The following CLVS1 variants were observed in gnomAD, a reference collection of about 807,000 sequenced individuals.
CLVS1 encodes the protein clavesin 1.
CLVS1 carries 10 observed loss-of-function variants against 33.1 expected under a neutral mutation model. The ratio of observed to expected loss-of-function variants is 0.30; its 90% confidence interval spans 0.19 to 0.51. CLVS1 has a LOEUF of 0.51. Among genes scored for constraint, CLVS1 ranks in the 20% least tolerant of loss-of-function variants. The pLI is 0.97. For missense variants in CLVS1, 343 were observed against 433.4 expected (o/e 0.79, Z 1.85); for synonymous variants, 163 against 166.1 (o/e 0.98, Z 0.14).
At chr8:61,078,298 G>A (rs775427503) in intron 1 of CLVS1, among the ~76,000 whole-genome samples, 1 of 152,220 alleles carries the variant, frequency 6.6e-6, no homozygotes, top group African/African-American at 2.4e-5. Context: ...GTGATGTGAC[G>A]AGGGCCAGGT....
intron 2 of CLVS1, among the ~76,000 whole-genome samples, chr8:61,307,878 C>T (rs980119781): frequency 6.6e-6 from 1 of 152,092 alleles, no homozygotes. Flanking sequence ...GTCTATTATT[C>T]CACATTCCAT....
intron 2 of CLVS1, among the ~76,000 whole-genome samples, chr8:61,272,012 A>C (rs1186708329): frequency 1.3e-5 from 2 of 150,882 alleles, no homozygotes; most frequent in Admixed American, 1.3e-4. Flanking sequence ...TAATATTGTT[A>C]TGTGTGAATT....
At chr8:61,389,558 TA>T (rs1486049104) in intron 3 of CLVS1, among the ~76,000 whole-genome samples, 1 of 150,990 alleles carries the variant, frequency 6.6e-6, no homozygotes, top group Non-Finnish European at 1.5e-5. Context: ...AAAAGACAAA[TA>T]ACAGCTGACA....
chr8:61,459,959 G>T (rs1274552326), intron 5 of CLVS1, among the ~76,000 whole-genome samples: 1 of 152,128 alleles, frequency 6.6e-6, no homozygotes, highest in African/African-American at 2.4e-5. Context: ...CCTTCTGTGT[G>T]TGTCTGCCTC....
chr8:61,018,637 T>C, the CLVS1 span, among the ~76,000 whole-genome samples: 18 of 152,366 alleles, frequency 1.2e-4, no homozygotes, highest in Admixed American at 1.0e-3. Flanking sequence ...GACACAATTA[T>C]ATCTTGATTG....
rs1183784087 is a variant in CLVS1, at chr8:61,412,327, T to C, written c.630+35548T>C. The stretch of plus-strand genomic sequence containing the variant: ...ACAGAAACACAGGGACAGGACCAAA[T>C]CAAAGAAAAAGCAAAAACAAAGTAC... On this transcript the variant is annotated intron_variant, in intron 3 of 5. Coordinates refer to ENST00000325897, the MANE Select transcript of CLVS1 (RefSeq NM_173519.3). Among the ~76,000 whole-genome samples the C allele has an allele frequency of 5.9e-5, 9 of 151,286 alleles. No homozygotes were observed. The East Asian group carries it at 1.8e-3, about 29-fold the overall frequency.
At chr8:61,209,044 G>T (rs1807919033) in intron 2 of CLVS1, among the ~76,000 whole-genome samples, 1 of 152,208 alleles carries the variant, frequency 6.6e-6, no homozygotes, top group Non-Finnish European at 1.5e-5. Flanking sequence ...CCTCACACTG[G>T]AAAGTAAGTC....
chr8:61,053,287 T>C (rs1314645302), upstream of CLVS1, among the ~76,000 whole-genome samples: 3 of 152,008 alleles, frequency 2.0e-5, no homozygotes, highest in Non-Finnish European at 4.4e-5. Flanking sequence ...GGAGTGCAGG[T>C]AGAGGCTAGA....
At chr8:61,498,944 T>C (rs1804399935) in intron 5 of CLVS1, among the ~76,000 whole-genome samples, 1 of 152,134 alleles carries the variant, frequency 6.6e-6, no homozygotes, top group Admixed American at 6.6e-5. Flanking sequence ...ACTAAAACAT[T>C]AAAAATTCAA....
chr8:61,437,950 T>C (rs368119230), intron 3 of CLVS1, among the ~76,000 whole-genome samples: 2 of 152,352 alleles, frequency 1.3e-5, no homozygotes, highest in South Asian at 4.1e-4. Flanking sequence ...AACTGTAAGA[T>C]CTGACAGGCC....
chr8:61,245,928 C>T (rs1251429370), intron 2 of CLVS1, among the ~76,000 whole-genome samples: 1 of 148,536 alleles, frequency 6.7e-6, no homozygotes, highest in African/African-American at 2.6e-5. Context: ...CCATTACACC[C>T]AGTTAATTAA....
intron 3 of CLVS1, among the ~76,000 whole-genome samples, chr8:61,434,155 A>G (rs1288329802): frequency 6.6e-6 from 1 of 152,120 alleles, no homozygotes; most frequent in Non-Finnish European, 1.5e-5. Flanking sequence ...AGGTGTTGGG[A>G]AGTCACTGGA....
At chr8:61,384,223 A>G (rs145177358) in intron 3 of CLVS1, among the ~76,000 whole-genome samples, 112 of 152,356 alleles carry the variant, frequency 7.4e-4, no homozygotes, top group African/African-American at 2.5e-3. Flanking sequence ...GCACCAGGCA[A>G]GGAGCTTGTT....
chr8:61,384,964 G>A (rs991796055), intron 3 of CLVS1, among the ~76,000 whole-genome samples: 3 of 152,124 alleles, frequency 2.0e-5, no homozygotes, highest in African/African-American at 7.2e-5. Context: ...AGAAACCATG[G>A]CAGTGCAGTG....
chr8:61,128,907 T>A (rs1290346755), intron 1 of CLVS1, among the ~76,000 whole-genome samples: 1 of 152,248 alleles, frequency 6.6e-6, no homozygotes, highest in Non-Finnish European at 1.5e-5. Flanking sequence ...CTTTTCTCAC[T>A]CTTTAGAGTG....
At chr8:61,282,868 G>C (rs550208903) in intron 2 of CLVS1, among the ~76,000 whole-genome samples, 1 of 152,270 alleles carries the variant, frequency 6.6e-6, no homozygotes, top group South Asian at 2.1e-4. Context: ...CAAAAAACTT[G>C]GGATAGGAAA....
At chr8:61,357,509 T>TTC (rs1394784905) in intron 2 of CLVS1, among the ~76,000 whole-genome samples, 2 of 109,754 alleles carry the variant, frequency 1.8e-5, no homozygotes, top group African/African-American at 7.5e-5. Context: ...TTTTTTTTTT[T>TTC]TTTTTTTTTT....
the CLVS1 span, among the ~76,000 whole-genome samples, chr8:61,026,996 A>G: frequency 1.3e-5 from 2 of 152,218 alleles, no homozygotes; most frequent in African/African-American, 4.8e-5. Flanking sequence ...AGCTGTTTCC[A>G]TCAATGCAGT....
rs572894704 is a variant in CLVS1 at position 61,188,555 on chromosome 8, G to T, written c.-152+56695G>T. On this transcript the variant is annotated intron_variant, in intron 2 of 2. Coordinates refer to the CLVS1 transcript ENST00000522621. ...TATTATTCTTAAACAAATTAGAGAA[G>T]AATTTGAAGGCCATCTGCAGGATAT... 2.6e-5 allele frequency among the ~76,000 whole-genome samples: 4 copies of T among 152,174 alleles called. No individual in the cohort carries two copies. The East Asian group carries it at 5.8e-4, about 22-fold the overall frequency.
Sources: allele counts gnomAD v4.1 joint callset (sites outside exome capture counted in the v4.1 genomes callset), GRCh38; gene constraint gnomAD v4.1.1; transcripts MANE v1.5; gene names NCBI Gene and HGNC (gene_info 2026-07-23, HGNC 2026-07-21).